The following RNF2 variants were observed in gnomAD, a reference collection of about 807,000 sequenced individuals.
The protein encoded by RNF2 is E3 ubiquitin-protein ligase RING2.
In RNF2, 6 loss-of-function variants were observed where a neutral mutation model predicts 37.2. That is an observed-to-expected ratio of 0.16 (90% CI 0.09 to 0.32). RNF2 has a LOEUF of 0.32. Ranked by LOEUF, RNF2 falls within the 10% of genes least tolerant of loss-of-function variation. The pLI is 1.00. For missense variants in RNF2, 251 were observed against 404.0 expected, an observed-to-expected ratio of 0.62 and a Z score of 3.25; for synonymous variants, 133 against 132.7, an observed-to-expected ratio of 1.00 and a Z score of -0.02.
chr1:185,075,389 C>A (rs1651117037), intron 1 of RNF2, among the ~76,000 whole-genome samples: 1 of 152,178 alleles, frequency 6.6e-6, no homozygotes, highest in African/African-American at 2.4e-5. Context: ...ATGCGAAATA[C>A]TGTAATTATG....
chr1:185,086,120 T>C (rs1651593729), intron 1 of RNF2, among the ~76,000 whole-genome samples: 1 of 152,212 alleles, frequency 6.6e-6, no homozygotes, highest in African/African-American at 2.4e-5. Flanking sequence ...TTTTTAAGGT[T>C]TATTTCATCT....
In RNF2 at chr1:185,093,059, A is replaced by G. The variant is rs1440858443; in HGVS notation, c.249-2A>G. 1 of 1,613,456 alleles carries G rather than the reference A, an allele frequency of 6.2e-7. No homozygotes were observed. Among genetic ancestry groups the G allele is most frequent in the African/African-American group, 1.3e-5 (1 of 74,928 alleles). On this transcript the variant is annotated splice_acceptor_variant, in intron 3 of 6. Coordinates refer to ENST00000367510, the MANE Select transcript of RNF2 (RefSeq NM_007212.4). LOFTEE classifies it high-confidence loss of function. ...CATTTGCTTTCCCCTCCTTTTATTT[A>G]GCAACAAAGAATGTCCTACCTGTCG...
At chr1:185,052,374 A>G (rs1211839824) in intron 1 of RNF2, among the ~76,000 whole-genome samples, 1 of 152,252 alleles carries the variant, frequency 6.6e-6, no homozygotes, top group Non-Finnish European at 1.5e-5. Flanking sequence ...TTACAGTGGA[A>G]TATTATTCAG....
intron 1 of RNF2, among the ~76,000 whole-genome samples, chr1:185,069,188 C>G (rs1488649107): frequency 6.6e-6 from 1 of 152,142 alleles, no homozygotes; most frequent in African/African-American, 2.4e-5. Flanking sequence ...GTGAGTGGCT[C>G]ATGCCTGTAA....
At chr1:185,076,147 C>G (rs540863180) in intron 1 of RNF2, among the ~76,000 whole-genome samples, 4 of 150,688 alleles carry the variant, frequency 2.7e-5, no homozygotes, top group East Asian at 3.9e-4. Flanking sequence ...CATGGTGTCT[C>G]TAGTTGATTT....
At position 185,100,064 on chromosome 1, in the gene RNF2, G is replaced by A. The variant is rs145774199; in HGVS notation, c.909+102G>A. ...AATCTAATAAATAATGTAAAAAACC[G>A]TAACAGTGTTAAGTGACAAGTAGTT... On this transcript the variant is annotated intron_variant, in intron 6 of 6. Coordinates refer to ENST00000367510, the MANE Select transcript of RNF2 (RefSeq NM_007212.4). 33 of 1,276,656 alleles carry A rather than the reference G, an allele frequency of 2.6e-5. No homozygotes were observed. In the Middle Eastern group the frequency reaches 7.8e-4, roughly 30 times the overall value. 79.1% of individuals were successfully genotyped at this position (1,276,656 alleles called of 1,614,324 possible).
chr1:185,085,539 A>G (rs11808499), intron 1 of RNF2, among the ~76,000 whole-genome samples: 247 of 152,150 alleles, frequency 1.6e-3, no homozygotes, highest in African/African-American at 5.7e-3. Context: ...AGTTAATATC[A>G]TACAGGTTTT....
At chr1:185,047,178 T>C (rs1426911305) in intron 1 of RNF2, among the ~76,000 whole-genome samples, 1 of 152,240 alleles carries the variant, frequency 6.6e-6, no homozygotes, top group African/African-American at 2.4e-5. Flanking sequence ...TCAGGTATCC[T>C]TGTGGCATCC....
At chr1:185,074,443 A>G (rs150008001) in intron 1 of RNF2, among the ~76,000 whole-genome samples, 2 of 152,126 alleles carry the variant, frequency 1.3e-5, no homozygotes, top group Non-Finnish European at 1.5e-5. Context: ...TCCTGAATCT[A>G]TCTAGGGGCC....
chr1:185,054,470 T>G (rs535913843), intron 1 of RNF2, among the ~76,000 whole-genome samples: 18 of 152,284 alleles, frequency 1.2e-4, no homozygotes, highest in East Asian at 9.7e-4. Context: ...CAAGCAGGCC[T>G]TCTTCTCCCA....
intron 1 of RNF2, among the ~76,000 whole-genome samples, chr1:185,075,865 A>G (rs1475449238): frequency 6.6e-6 from 1 of 152,258 alleles, no homozygotes; most frequent in African/African-American, 2.4e-5. Context: ...ACTAAATATT[A>G]GTCATCTTAA....
chr1:185,087,784 T>C (rs978958990), intron 2 of RNF2, 144 bp downstream of exon 2: 2 of 653,314 alleles, frequency 3.1e-6, no homozygotes, highest in Middle Eastern at 3.9e-4. Flanking sequence ...GCTAACACTT[T>C]ATTCATTGAT....
chr1:185,068,733 G>T (rs1025329682), intron 1 of RNF2, among the ~76,000 whole-genome samples: 3 of 152,204 alleles, frequency 2.0e-5, no homozygotes, highest in African/African-American at 7.2e-5. Flanking sequence ...TTGTGATAAT[G>T]TTACAGTAGC....
chr1:185,083,815 C>A (rs1651499902), intron 1 of RNF2, among the ~76,000 whole-genome samples: 2 of 151,426 alleles, frequency 1.3e-5, no homozygotes, highest in African/African-American at 4.9e-5. Context: ...CTGTGTTGCC[C>A]AGGCTGGTCT....
rs571685985 is a variant in RNF2 at position 185,078,371 on chromosome 1, T to C, written c.-2-9181T>C. 2.6e-5 allele frequency among the ~76,000 whole-genome samples: 4 copies of C among 152,354 alleles called. No individual in the cohort carries two copies. The South Asian group carries it at 8.3e-4, about 32-fold the overall frequency. On this transcript the variant is annotated intron_variant, in intron 1 of 6. Coordinates refer to ENST00000367510, the MANE Select transcript of RNF2 (RefSeq NM_007212.4). Reference sequence around the variant, plus strand: ...TACCATCTTGGCTTCTCTTTAGCTCTGTAACCTCTTCTTGTGAATGTTCCC... The same window carrying C: ...TACCATCTTGGCTTCTCTTTAGCTCCGTAACCTCTTCTTGTGAATGTTCCC...
chr1:185,076,268 G>GCTTTTTTTTTTTTTTTTTTTTTTTTTTTT, intron 1 of RNF2, among the ~76,000 whole-genome samples: 1 of 27,348 alleles, frequency 3.7e-5, no homozygotes, highest in Non-Finnish European at 7.6e-5. Context: ...TTTATGGGTT[G>GCTTTTTTTTTTTTTTTTTTTTTTTTTTTT]TTTTTTTTTT....
intron 1 of RNF2, among the ~76,000 whole-genome samples, chr1:185,085,145 CTTTTTTTTT>C (rs71555455): frequency 3.9e-5 from 4 of 103,212 alleles, no homozygotes; most frequent in South Asian, 3.4e-4. Context: ...CTTTCTTTTT[CTTTTTTTTT>C]TTTTTTTTTT....
At chr1:185,053,388 T>G (rs1571292237) in intron 1 of RNF2, among the ~76,000 whole-genome samples, 1 of 151,896 alleles carries the variant, frequency 6.6e-6, no homozygotes, top group Non-Finnish European at 1.5e-5. Context: ...CAGGCTGGAG[T>G]GCAGTGAGGC....
intron 1 of RNF2, among the ~76,000 whole-genome samples, chr1:185,071,123 T>TA (rs1350187023): frequency 2.0e-5 from 3 of 152,162 alleles, no homozygotes; most frequent in Non-Finnish European, 4.4e-5. Flanking sequence ...GTTACATTCT[T>TA]ATAAGGCTCT....
Sources: gnomAD v4.1 joint callset for allele counts (sites outside exome capture counted in the v4.1 genomes callset) on GRCh38, gnomAD v4.1.1 for gene constraint, MANE v1.5 for transcripts, NCBI Gene and HGNC (gene_info 2026-07-23, HGNC 2026-07-21) for gene names.